RBM26: variants seen among roughly 807,000 people sequenced by gnomAD.
RBM26 encodes the protein RNA binding motif protein 26.
In RBM26, 30 loss-of-function variants were observed where a neutral mutation model predicts 123.6. The observed-to-expected ratio is 0.24, with a 90% confidence interval of 0.18 to 0.33. The LOEUF is 0.33. RBM26 is among the 10% of genes least tolerant of loss of function. The pLI, the probability that RBM26 is intolerant of heterozygous loss-of-function variation, is 1.00. For missense variants in RBM26, 947 were observed against 1,203.6 expected, an observed-to-expected ratio of 0.79 and a Z score of 3.15; for synonymous variants, 400 against 404.4, an observed-to-expected ratio of 0.99 and a Z score of 0.13.
intron 3 of RBM26, among the ~76,000 whole-genome samples, chr13:79,373,374 ATAT>A (rs1277565786): frequency 9.7e-6 from 1 of 103,396 alleles, no homozygotes; most frequent in Non-Finnish European, 1.7e-5. Flanking sequence ...TATATAATAT[ATAT>A]TATATATAAA....
At position 79,371,084 on chromosome 13, in the gene RBM26, G is replaced by A. The variant is rs1021011397; in HGVS notation, c.495C>T (p.Tyr165=). Residue 165 remains tyrosine (Y), a synonymous_variant, in exon 5 of 22, where the codon TAC becomes TAT. Coordinates refer to ENST00000438737, the MANE Select transcript of RBM26 (RefSeq NM_001366735.2). Reference sequence around the variant, plus strand: ...CTCGTCTTCTATTGTACCGGTCTCTGTATGAATCTCTTCGAGGAGGGTTTC... The same window carrying A: ...CTCGTCTTCTATTGTACCGGTCTCTATATGAATCTCTTCGAGGAGGGTTTC... The part of the protein sequence containing the change: ...YDRNPPRRDS[Y]RDRYNRRRGR... 1.9e-6 allele frequency: 3 copies of A among 1,614,074 alleles called. No homozygotes were observed. Among genetic ancestry groups the A allele is most frequent in the Non-Finnish European group, 1.7e-6 (2 of 1,180,002 alleles).
chr13:79,314,787 A>G (rs1017828229), downstream of RBM26: 5 of 289,524 alleles, frequency 1.7e-5, no homozygotes, highest in Admixed American at 1.5e-4. Flanking sequence ...CAGAGCACAC[A>G]TTCAGATACA....
chr13:79,355,299 G>C lies in RBM26; in HGVS notation c.1775C>G (p.Ala592Gly). The C allele has an allele frequency of 6.2e-7, 1 of 1,613,766 alleles. No homozygotes were observed. The highest frequency in any genetic ancestry group is 8.5e-7 in the Non-Finnish European group (1 of 1,179,716). ...EAKKAISSTE[A>G]VLNNRFIKVY... ...CTTAATAAAGCGATTGTTTAATACT[G>C]CTTCCGTACTTGATATTGCTTTCTT... Residue 592 changes from alanine (A) to glycine (G), a missense_variant, in exon 12 of 22, where the codon GCA (alanine) becomes GGA (glycine). Transcript: ENST00000438737.
intron 1 of RBM26, among the ~76,000 whole-genome samples, chr13:79,393,506 T>C (rs2078278632): frequency 1.3e-5 from 2 of 152,198 alleles, no homozygotes; most frequent in African/African-American, 2.4e-5. Flanking sequence ...TGCAGATCCA[T>C]ATGGATTTGC....
At chr13:79,321,065 C>A (rs2067616366) in intron 21 of RBM26, among the ~76,000 whole-genome samples, 1 of 151,338 alleles carries the variant, frequency 6.6e-6, no homozygotes, top group Admixed American at 6.6e-5. Flanking sequence ...ACCCTCCTAA[C>A]CTTGAATACT....
At chr13:79,373,332 AATATATATT>A (rs1349675473) in intron 3 of RBM26, among the ~76,000 whole-genome samples, 1 of 106,108 alleles carries the variant, frequency 9.4e-6, no homozygotes, top group East Asian at 2.5e-4. Context: ...ATAAATATAA[AATATATATT>A]ATATATAAAT....
downstream of RBM26, among the ~76,000 whole-genome samples, chr13:79,316,106 G>A (rs2067117750): frequency 6.6e-6 from 1 of 151,488 alleles, no homozygotes; most frequent in Non-Finnish European, 1.5e-5. Flanking sequence ...AGCCCCGAGA[G>A]AAAGACCAAA....
chr13:79,344,374 A>G (rs1243098726), intron 15 of RBM26, 52 bp from the exon 16 acceptor site: 1 of 1,320,326 alleles, frequency 7.6e-7, no homozygotes, highest in Non-Finnish European at 1.1e-6. Flanking sequence ...GATAAACAAT[A>G]TTATTCAAGA....
At chr13:79,312,323 A>C (rs1436400545) in exon 5 of RBM26, 1 of 152,086 alleles carries the variant, frequency 6.6e-6, no homozygotes, top group Non-Finnish European at 1.5e-5. Context: ...TAGCCTTCTG[A>C]GAATGAAAAG....
In RBM26 at chr13:79,398,073, T is replaced by C. The variant is rs528954305; in HGVS notation, c.71+7631A>G. ...AAACTTTTACCTATTTCAAAGTTAC[T>C]GCATGTAAATTGAAAAGACTTTTTC... is the stretch of plus-strand genomic sequence containing the variant. On this transcript the variant is annotated intron_variant, in intron 1 of 21. Coordinates refer to ENST00000438737, the MANE Select transcript of RBM26 (RefSeq NM_001366735.2). Among the ~76,000 whole-genome samples, 53 of 152,360 alleles carry C rather than the reference T, an allele frequency of 3.5e-4. 1 individual carries two copies. The highest frequency in any genetic ancestry group is 1.2e-3 in the African/African-American group (51 of 41,586).
chr13:79,365,837 G>A, intron 8 of RBM26, 119 bp from the exon 9 acceptor site: 1 of 964,566 alleles, frequency 1.0e-6, no homozygotes, highest in South Asian at 1.9e-5. Flanking sequence ...TGCTCTATAT[G>A]TATCAAAAAG....
In RBM26 at chr13:79,357,062, GATAA is replaced by G. The variant is rs549234422; in HGVS notation, c.1689+1208_1689+1211del. ...ATAAATAGTTTTAAGTTTGTGTACA[GATAA>G]ATAGACACAGAATTGTGTAACAATC... On this transcript the variant is annotated intron_variant, in intron 11 of 21. Coordinates refer to ENST00000438737, the MANE Select transcript of RBM26 (RefSeq NM_001366735.2). 2.0e-3 allele frequency among the ~76,000 whole-genome samples: 297 copies of G among 152,182 alleles called. 1 individual carries two copies. The highest frequency in any genetic ancestry group is 6.8e-3 in the African/African-American group (283 of 41,542).
At chr13:79,375,098 A>ATATATCATATAAATATATATTTT (rs1566518205) in intron 3 of RBM26, among the ~76,000 whole-genome samples, 1 of 1,200 alleles carries the variant, frequency 8.3e-4, no homozygotes, top group Non-Finnish European at 2.0e-3. Context: ...ATATATATTT[A>ATATATCATATAAATATATATTTT]TATATATCAT....
chr13:79,351,342 T>C (rs540928150), intron 14 of RBM26, among the ~76,000 whole-genome samples: 3 of 152,328 alleles, frequency 2.0e-5, no homozygotes, highest in South Asian at 4.1e-4. Context: ...GTGTGATGTT[T>C]TGATACATAT....
chr13:79,352,102 G>C (rs555776983), intron 14 of RBM26, among the ~76,000 whole-genome samples: 118 of 152,270 alleles, frequency 7.7e-4, no homozygotes, highest in Non-Finnish European at 8.8e-4. Flanking sequence ...AGATGCCCAA[G>C]AGCAAAGTCT....
intron 11 of RBM26, among the ~76,000 whole-genome samples, chr13:79,357,935 T>C (rs1335266663): frequency 1.3e-5 from 2 of 149,030 alleles, no homozygotes; most frequent in Non-Finnish European, 3.0e-5. Flanking sequence ...CAGGCTGGAG[T>C]GCAGTGGCGC....
chr13:79,372,419 ATCT>A (rs1566498899), intron 3 of RBM26, among the ~76,000 whole-genome samples: 1 of 152,028 alleles, frequency 6.6e-6, no homozygotes, highest in Non-Finnish European at 1.5e-5. Flanking sequence ...CAAAATTGTC[ATCT>A]TCTAAAATTA....
At chr13:79,381,218 T>G (rs1226376443) in intron 1 of RBM26, among the ~76,000 whole-genome samples, 1 of 151,976 alleles carries the variant, frequency 6.6e-6, no homozygotes, top group African/African-American at 2.4e-5. Flanking sequence ...AGGAAATGAA[T>G]CAAGATTTAA....
At chr13:79,321,796 T>C (rs1034499815) in intron 21 of RBM26, among the ~76,000 whole-genome samples, 1 of 151,446 alleles carries the variant, frequency 6.6e-6, no homozygotes, top group Non-Finnish European at 1.5e-5. Context: ...TTCCAGAGCA[T>C]GTTGTTCAAA....
Sources: allele counts gnomAD v4.1 joint callset (sites outside exome capture counted in the v4.1 genomes callset), GRCh38; gene constraint gnomAD v4.1.1; transcripts MANE v1.5; gene names NCBI Gene and HGNC (gene_info 2026-07-23, HGNC 2026-07-21).